Variants in OR1J2 observed in about 807,000 individuals in gnomAD.
The protein encoded by OR1J2 is olfactory receptor family 1 subfamily J member 2.
For synonymous variants in OR1J2, 142 were observed against 99.7 expected (o/e 1.42, Z -2.52); for missense variants, 304 against 246.1 (o/e 1.24, Z -1.57).
the OR1J2 span, among the ~76,000 whole-genome samples, chr9:122,467,314 C>T: frequency 2.6e-5 from 4 of 152,180 alleles, no homozygotes; most frequent in Non-Finnish European, 1.5e-5. Context: ...AAGACACCCA[C>T]ACCTTTTGCT....
the OR1J2 span, among the ~76,000 whole-genome samples, chr9:122,499,836 GCTGCACCACGAT>G: frequency 1.3e-5 from 2 of 152,176 alleles, no homozygotes; most frequent in African/African-American, 2.4e-5. Context: ...AGAGGGCCCT[GCTGCACCACGAT>G]CTCAGGGGAG....
At chr9:122,457,201 C>A in the OR1J2 span, among the ~76,000 whole-genome samples, 1 of 152,002 alleles carries the variant, frequency 6.6e-6, no homozygotes, top group African/African-American at 2.4e-5. Flanking sequence ...GGGAATAACA[C>A]ACACTGGGGC....
the OR1J2 span, among the ~76,000 whole-genome samples, chr9:122,470,026 T>G: frequency 6.6e-6 from 1 of 152,268 alleles, no homozygotes; most frequent in Non-Finnish European, 1.5e-5. Flanking sequence ...GACAATGTCA[T>G]AGGATAGAAA....
chr9:122,450,430 CA>C, the OR1J2 span, among the ~76,000 whole-genome samples: 160 of 149,886 alleles, frequency 1.1e-3, 1 homozygote, highest in African/African-American at 3.8e-3. Context: ...GACACTGTCT[CA>C]AAAAAAAATC....
chr9:122,512,208 A>T (rs1412874411), downstream of OR1J2, among the ~76,000 whole-genome samples: 1 of 152,104 alleles, frequency 6.6e-6, no homozygotes, highest in African/African-American at 2.4e-5. Flanking sequence ...TCAAGTGCTA[A>T]CTCTTGGAAA....
At chr9:122,576,471 A>G in the OR1J2 span, among the ~76,000 whole-genome samples, 2 of 151,300 alleles carry the variant, frequency 1.3e-5, no homozygotes, top group African/African-American at 4.9e-5. Flanking sequence ...CTGACCTCAG[A>G]TGATCTGCCC....
chr9:122,502,466 G>T, the OR1J2 span, among the ~76,000 whole-genome samples: 1 of 152,146 alleles, frequency 6.6e-6, no homozygotes, highest in Non-Finnish European at 1.5e-5. Flanking sequence ...CAGGATGCTT[G>T]TCTGGAGGAA....
chr9:122,480,996 A>G, the OR1J2 span, among the ~76,000 whole-genome samples: 2 of 152,030 alleles, frequency 1.3e-5, no homozygotes, highest in South Asian at 4.2e-4. Context: ...GGGTTTCACC[A>G]TGTTGGCCAG....
chr9:122,482,140 T>C, the OR1J2 span, among the ~76,000 whole-genome samples: 9 of 152,214 alleles, frequency 5.9e-5, no homozygotes, highest in African/African-American at 2.2e-4. Context: ...ATCCAGAATA[T>C]ATAAGGAACT....
At chr9:122,473,377 G>C in the OR1J2 span, among the ~76,000 whole-genome samples, 1 of 152,246 alleles carries the variant, frequency 6.6e-6, no homozygotes, top group Non-Finnish European at 1.5e-5. Context: ...ACGTGCAATG[G>C]ATCATCTCTC....
the OR1J2 span, among the ~76,000 whole-genome samples, chr9:122,555,234 A>G: frequency 6.6e-6 from 1 of 152,228 alleles, no homozygotes. Flanking sequence ...AAAGGAAGGT[A>G]TGCCCTTTTG....
chr9:122,508,496 T>G (rs1828571703), upstream of OR1J2, among the ~76,000 whole-genome samples: 1 of 151,948 alleles, frequency 6.6e-6, no homozygotes, highest in African/African-American at 2.4e-5. Context: ...TAAAGGAATA[T>G]TCCTTATTAA....
the OR1J2 span, chr9:122,476,986 G>A: frequency 4.7e-4 from 725 of 1,545,844 alleles, 1 homozygote; most frequent in African/African-American, 6.7e-3. Flanking sequence ...GAGATTACAG[G>A]CATGAGCCAC....
the OR1J2 span, among the ~76,000 whole-genome samples, chr9:122,536,360 G>C: frequency 6.6e-6 from 1 of 152,098 alleles, no homozygotes; most frequent in Non-Finnish European, 1.5e-5. Flanking sequence ...TATGCTTCTG[G>C]TTAATGATGT....
At chr9:122,508,263 A>G (rs1306110617), upstream of OR1J2, among the ~76,000 whole-genome samples, 1 of 152,086 alleles carries the variant, frequency 6.6e-6, no homozygotes, top group African/African-American at 2.4e-5. Context: ...TGAGCCTAGC[A>G]CACTTGGAAC....
At chr9:122,474,969 A>G in the OR1J2 span, 1 of 152,234 alleles carries the variant, frequency 6.6e-6, no homozygotes, top group Non-Finnish European at 1.5e-5. Context: ...TGCCCTCACC[A>G]GATGCACTGG....
At chr9:122,548,375 C>A in the OR1J2 span, among the ~76,000 whole-genome samples, 1 of 152,082 alleles carries the variant, frequency 6.6e-6, no homozygotes. Context: ...ATGATAGTTT[C>A]CTCTAGTACA....
At chr9:122,490,319 G>T in the OR1J2 span, among the ~76,000 whole-genome samples, 2 of 152,170 alleles carry the variant, frequency 1.3e-5, no homozygotes, top group African/African-American at 4.8e-5. Context: ...CCAATGTGGG[G>T]TGGTGAGTGT....
chr9:122,526,943 C>T, the OR1J2 span: 287 of 1,614,178 alleles, frequency 1.8e-4, 2 homozygotes, highest in African/African-American at 3.1e-3. Context: ...AGCGGTCATA[C>T]GCCATGGCAG....
Sources: allele counts gnomAD v4.1 joint callset (sites outside exome capture counted in the v4.1 genomes callset), GRCh38; gene constraint gnomAD v4.1.1; transcripts MANE v1.5; gene names NCBI Gene and HGNC (gene_info 2026-07-23, HGNC 2026-07-21).